The following ROCK2 variants were observed in gnomAD, a reference collection of about 807,000 sequenced individuals.
The protein encoded by ROCK2 is Rho associated coiled-coil containing protein kinase 2, also known as rho-associated protein kinase 2.
In ROCK2, 61 loss-of-function variants were observed where a neutral mutation model predicts 195.1. The observed-to-expected ratio is 0.31, with a 90% CI of 0.25 to 0.39. The LOEUF (loss-of-function observed/expected upper bound fraction) is 0.39, where lower values mean the gene tolerates loss of function less well. Among genes scored for constraint, ROCK2 ranks in the 10% least tolerant of loss-of-function variants. ROCK2 has a pLI of 1.00. For missense variants in ROCK2, 1,109 were observed against 1,637.4 expected (o/e 0.68, Z 5.57); for synonymous variants, 504 against 545.5 (o/e 0.92, Z 1.06).
intron 3 of ROCK2, among the ~76,000 whole-genome samples, chr2:11,265,917 G>C (rs1315364027): frequency 8.3e-6 from 1 of 120,974 alleles, no homozygotes; most frequent in Non-Finnish European, 1.7e-5. Flanking sequence ...CAACACTGGG[G>C]GACCTTGTTT....
intron 1 of ROCK2, among the ~76,000 whole-genome samples, chr2:11,290,582 T>C (rs139970605): frequency 6.6e-6 from 1 of 152,036 alleles, no homozygotes; most frequent in Non-Finnish European, 1.5e-5. Context: ...AGGAGAACAT[T>C]TGAAAATGAC....
intron 1 of ROCK2, among the ~76,000 whole-genome samples, chr2:11,327,958 C>T (rs1271463281): frequency 2.6e-5 from 4 of 152,142 alleles, no homozygotes; most frequent in African/African-American, 9.7e-5. Flanking sequence ...GCTGACAAAA[C>T]AGAGAAGGAG....
In ROCK2 at chr2:11,276,579, G is replaced by T. The variant is rs556208816; in HGVS notation, c.324+9960C>A. Among the ~76,000 whole-genome samples, 179 of 152,274 alleles carry T rather than the reference G, an allele frequency of 1.2e-3. 1 individual carries two copies. The highest frequency in any genetic ancestry group is 5.2e-4 in the Admixed American group (8 of 15,296). The stretch of plus-strand genomic sequence containing the variant: ...CTGGAAGACTTAGTATTGTTAAAAT[G>T]ACCATTACCCAAAACAACCTAGAGT... On this transcript the variant is annotated intron_variant, in intron 3 of 32. Transcript: ENST00000315872.
intron 20 of ROCK2, 113 bp from the exon 21 acceptor site, chr2:11,202,234 C>T: frequency 2.4e-6 from 2 of 817,030 alleles, no homozygotes; most frequent in Non-Finnish European, 4.3e-6. Flanking sequence ...TTCCACAGAA[C>T]CCATAAGGTC....
At chr2:11,249,002 T>C (rs1381717748) in intron 4 of ROCK2, among the ~76,000 whole-genome samples, 1 of 152,002 alleles carries the variant, frequency 6.6e-6, no homozygotes, top group East Asian at 1.9e-4. Context: ...TTCAAGCGAT[T>C]CTCCTGCCTC....
At chr2:11,323,756 C>G (rs1227161877) in intron 1 of ROCK2, among the ~76,000 whole-genome samples, 1 of 152,158 alleles carries the variant, frequency 6.6e-6, no homozygotes, top group Non-Finnish European at 1.5e-5. Flanking sequence ...CCCCTCACCC[C>G]TGCATACACA....
At chr2:11,297,937 C>T (rs1234667496) in intron 1 of ROCK2, among the ~76,000 whole-genome samples, 4 of 151,920 alleles carry the variant, frequency 2.6e-5, no homozygotes, top group African/African-American at 9.7e-5. Flanking sequence ...AAAACTTGTA[C>T]ATAAAAATAA....
rs115234342 is a variant in ROCK2 at position 11,314,507 on chromosome 2, G to A, written c.142-26771C>T. On this transcript the variant is annotated intron_variant, in intron 1 of 32. Transcript: ENST00000315872. Reference sequence around the variant, plus strand: ...ACCATATTTACATGAATAAGGTTTCGTATCTGCCACATTTTACATGCAAAA... The same window carrying A: ...ACCATATTTACATGAATAAGGTTTCATATCTGCCACATTTTACATGCAAAA... Among the ~76,000 whole-genome samples, 1,142 of 151,824 alleles carry A rather than the reference G, an allele frequency of 7.5e-3. 9 individuals are homozygous for A. Among genetic ancestry groups the A allele is most frequent in the Middle Eastern group, 0.02 (6 of 294 alleles).
intron 32 of ROCK2, among the ~76,000 whole-genome samples, chr2:11,185,461 G>A (rs939258946): frequency 2.0e-5 from 3 of 152,182 alleles, no homozygotes; most frequent in Admixed American, 2.0e-4. Flanking sequence ...AGATGCGGTG[G>A]CTCACGTCTG....
At chr2:11,205,256 T>A (rs928526445) in intron 20 of ROCK2, among the ~76,000 whole-genome samples, 2 of 152,212 alleles carry the variant, frequency 1.3e-5, no homozygotes, top group Non-Finnish European at 2.9e-5. Context: ...ATCAGCAGAT[T>A]AGTTCATTTA....
intron 3 of ROCK2, among the ~76,000 whole-genome samples, chr2:11,256,740 G>A (rs1666049966): frequency 6.6e-6 from 1 of 151,198 alleles, no homozygotes; most frequent in Non-Finnish European, 1.5e-5. Flanking sequence ...AAGAGATAAG[G>A]TAATTTAGAT....
At chr2:11,332,093 T>C (rs1053160736) in intron 1 of ROCK2, among the ~76,000 whole-genome samples, 1 of 151,872 alleles carries the variant, frequency 6.6e-6, no homozygotes. Flanking sequence ...CAGTGAGCTA[T>C]GATCACACTG....
chr2:11,261,852 G>A (rs746139377), intron 3 of ROCK2, among the ~76,000 whole-genome samples: 11 of 152,098 alleles, frequency 7.2e-5, no homozygotes, highest in Non-Finnish European at 1.3e-4. Flanking sequence ...AGTAGCAAGC[G>A]TGGATTTAAA....
chr2:11,224,822 G>C (rs1664758706), intron 6 of ROCK2, among the ~76,000 whole-genome samples: 1 of 151,328 alleles, frequency 6.6e-6, no homozygotes, highest in African/African-American at 2.4e-5. Flanking sequence ...TTAATGCTTG[G>C]GCTGGATCAG....
chr2:11,306,454 A>G (rs1667862152), intron 1 of ROCK2, among the ~76,000 whole-genome samples: 1 of 152,174 alleles, frequency 6.6e-6, no homozygotes, highest in African/African-American at 2.4e-5. Flanking sequence ...AAACAATTAA[A>G]TTATTATCTA....
At chr2:11,335,033 C>T (rs1297839503) in intron 1 of ROCK2, among the ~76,000 whole-genome samples, 1 of 151,708 alleles carries the variant, frequency 6.6e-6, no homozygotes, top group Non-Finnish European at 1.5e-5. Context: ...AAAATCATTC[C>T]TGGACTTAGA....
intron 1 of ROCK2, among the ~76,000 whole-genome samples, chr2:11,305,878 A>G (rs548226232): frequency 6.6e-6 from 1 of 152,332 alleles, no homozygotes; most frequent in East Asian, 1.9e-4. Context: ...TTTCAAGAAA[A>G]AAGTTTAAAA....
chr2:11,285,521 C>T (rs1667158321), intron 3 of ROCK2, among the ~76,000 whole-genome samples: 1 of 152,034 alleles, frequency 6.6e-6, no homozygotes, highest in African/African-American at 2.4e-5. Context: ...CCCTGATCTA[C>T]AAGTCCAATA....
chr2:11,214,327 T>G (rs1424801211), intron 17 of ROCK2, 30 bp downstream of exon 17: 2 of 1,288,330 alleles, frequency 1.6e-6, no homozygotes. Context: ...CTGTCAATTT[T>G]CTTATGCAAA....
Sources: allele counts gnomAD v4.1 joint callset (sites outside exome capture counted in the v4.1 genomes callset), GRCh38; gene constraint gnomAD v4.1.1; transcripts MANE v1.5; gene names NCBI Gene and HGNC (gene_info 2026-07-23, HGNC 2026-07-21).